EPHA10: variants seen among roughly 807,000 people sequenced by gnomAD.
EPHA10 encodes the protein ephrin type-A receptor 10.
EPHA10 carries 120 observed loss-of-function variants against 109.7 expected under a neutral mutation model. The ratio of observed to expected loss-of-function variants is 1.09; its 90% CI spans 0.94 to 1.27. The LOEUF is 1.27. Ranked by LOEUF, EPHA10 falls within the 50% of genes most tolerant of loss-of-function variation. The pLI, the probability that EPHA10 is intolerant of heterozygous loss-of-function variation, is 0.00. For synonymous variants in EPHA10, 640 were observed against 618.9 expected (o/e 1.03, Z -0.51); for missense variants, 1,396 against 1,411.1 (o/e 0.99, Z 0.17).
Position 37,752,958 on chromosome 1 carries a change from C to G in EPHA10, c.1275G>C (p.Val425=). 3 of 1,293,042 alleles carry G rather than the reference C, an allele frequency of 2.3e-6. No homozygotes were observed. The highest frequency in any genetic ancestry group is 2.9e-6 in the Non-Finnish European group (3 of 1,023,678). The allele number at this position is 1,293,042 out of a possible 1,614,324, so 80.1% of individuals were successfully genotyped here. A position where few individuals can be genotyped will look rare whatever the true frequency, so the allele number is the denominator to read the frequency against. Residue 425 remains valine, a synonymous_variant, in exon 5 of 17, where the codon GTG becomes GTC. Coordinates refer to ENST00000373048, the MANE Select transcript of EPHA10 (RefSeq NM_001099439.2). ...GGCCCGAGACGCCGTTGAGCGCGGCCACGCGCACGGTGTAGCGCGCGCCGG... is the reference window on the plus strand; with the variant it reads ...GGCCCGAGACGCCGTTGAGCGCGGCGACGCGCACGGTGTAGCGCGCGCCGG... ...LRPGARYTVR[V]AALNGVSGPA... is the part of the protein sequence containing the mutation.
chr1:37,748,514 T>A (rs2148356434), intron 5 of EPHA10, among the ~76,000 whole-genome samples: 1 of 152,310 alleles, frequency 6.6e-6, no homozygotes, highest in East Asian at 1.9e-4. Context: ...CAGATACCTT[T>A]ACCAAAGCCA....
Position 37,720,347 on chromosome 1 carries a change from T to C in EPHA10, c.2412+4A>G. 6.3e-7 allele frequency: 1 copy of C among 1,595,538 alleles called. No homozygotes were observed. Among genetic ancestry groups the C allele is most frequent in the Non-Finnish European group, 8.5e-7 (1 of 1,170,982 alleles). ...CAGGCAGGCTTGGCTGGGGGCGCCC[T>C]CACCATAGTGGTGTAGACAGCCTCT... On this transcript the variant is annotated splice_donor_region_variant and intron_variant, in intron 13 of 16. Transcript: ENST00000373048.
intron 5 of EPHA10, among the ~76,000 whole-genome samples, chr1:37,739,220 C>T (rs1285571820): frequency 2.0e-5 from 3 of 151,862 alleles, no homozygotes; most frequent in African/African-American, 7.3e-5. Flanking sequence ...GGATATTAGT[C>T]CTTAAAAAGA....
intron 3 of EPHA10, among the ~76,000 whole-genome samples, chr1:37,759,549 T>G (rs1447718071): frequency 6.6e-6 from 1 of 152,180 alleles, no homozygotes; most frequent in African/African-American, 2.4e-5. Context: ...CCAATGCATT[T>G]TCACTGAACA....
intron 6 of EPHA10, among the ~76,000 whole-genome samples, chr1:37,732,532 G>T (rs1646001894): frequency 6.6e-6 from 1 of 152,178 alleles, no homozygotes; most frequent in Non-Finnish European, 1.5e-5. Context: ...CCCAAGCTGG[G>T]CCAATCAGAA....
rs1406392227 is a variant in EPHA10, at chr1:37,752,922, G to C, written c.1311C>G (p.Ala437=). Residue 437 remains alanine, a synonymous_variant, in exon 5 of 17, where the codon GCC becomes GCG. Transcript: ENST00000373048. ...ALNGVSGPAA[A]AGTTYAQVTV... ...TGACCTGCGCGTAGGTGGTTCCCGCGGCGGCCGCCGGGCCCGAGACGCCGT... is the reference window on the plus strand; with the variant it reads ...TGACCTGCGCGTAGGTGGTTCCCGCCGCGGCCGCCGGGCCCGAGACGCCGT... 2 of 1,310,182 alleles carry C rather than the reference G, an allele frequency of 1.5e-6. No homozygotes were observed. Among genetic ancestry groups the C allele is most frequent in the Non-Finnish European group, 1.9e-6 (2 of 1,032,682 alleles). 81.2% of individuals were successfully genotyped at this position (1,310,182 alleles called of 1,614,324 possible).
intron 5 of EPHA10, among the ~76,000 whole-genome samples, chr1:37,746,732 G>A (rs959203874): frequency 2.6e-5 from 4 of 152,164 alleles, no homozygotes; most frequent in Admixed American, 2.6e-4. Flanking sequence ...ATCAACTGAT[G>A]AATGGATAAG....
rs1646376893 is a variant in EPHA10 at position 37,754,495 on chromosome 1, A to ACTC, written c.851-128_851-126dup. The ACTC allele has an allele frequency of 1.1e-6, 1 of 915,876 alleles. No individual in the cohort carries two copies. The highest frequency in any genetic ancestry group is 1.4e-6 in the Non-Finnish European group (1 of 695,008). The allele number at this position is 915,876 out of a possible 1,614,324, so 56.7% of individuals were successfully genotyped here. A position where few individuals can be genotyped will look rare whatever the true frequency, so the allele number is the denominator to read the frequency against. On this transcript the variant is annotated intron_variant, in intron 3 of 16. Transcript: ENST00000373048. This position sits in a 1 kb window ranked among gnomAD's most constrained non-coding sequence, Gnocchi z 4.5. ...AGAAAAACAGTCAGGGGACTCAGCC[A>ACTC]CTCCAGTCAGCACTGCCCCGTGGAG...
chr1:37,738,151 G>C (rs903955607), intron 5 of EPHA10: 1 of 151,930 alleles, frequency 6.6e-6, no homozygotes, highest in Admixed American at 6.6e-5. Flanking sequence ...CAGATCACCT[G>C]AAGTCAAGAG....
At chr1:37,734,556 AAAT>A (rs924671605) in intron 6 of EPHA10, 2 of 426,458 alleles carry the variant, frequency 4.7e-6, no homozygotes, top group Admixed American at 5.5e-5. Flanking sequence ...ATAAATAAAT[AAAT>A]AATAAAGGTA....
At chr1:37,715,446 C>T (rs982017150), downstream of EPHA10, among the ~76,000 whole-genome samples, 2 of 152,190 alleles carry the variant, frequency 1.3e-5, no homozygotes, top group Non-Finnish European at 1.5e-5. Context: ...CGTCTCCCCT[C>T]TCCTGAACAT....
rs764030792 is a variant in EPHA10 at position 37,721,663 on chromosome 1, G to A, written c.2143C>T (p.Arg715Ter). 39 of 1,602,460 alleles carry A rather than the reference G, an allele frequency of 2.4e-5. No individual in the cohort carries two copies. Among genetic ancestry groups the A allele is most frequent in the Middle Eastern group, 2.0e-4 (1 of 4,916 alleles). ...HIVRLEGVVT[R>*]GSTLMIVTEY... ...GGAAGGGAGCACCGGGCCCTACCTC[G>A]GGTAACAACGCCCTCCAGCCGCACG... The change falls in exon 11 of 17, where the codon CGA becomes TGA. Residue 715 changes from arginine to a stop codon, truncating the protein, a stop_gained. Transcript: ENST00000373048. LOFTEE classifies it high-confidence loss of function.
At chr1:37,734,634 C>T (rs1169993473) in intron 6 of EPHA10, 1 of 455,968 alleles carries the variant, frequency 2.2e-6, no homozygotes, top group Non-Finnish European at 4.4e-6. Context: ...AGCTAAGCTG[C>T]AACCACAGAT....
Position 37,754,435 on chromosome 1 carries a change from TG to T in EPHA10, c.851-66del. 8.0e-7 allele frequency: 1 copy of T among 1,253,824 alleles called. No individual in the cohort carries two copies. Among genetic ancestry groups the T allele is most frequent in the Non-Finnish European group, 1.0e-6 (1 of 994,466 alleles). 77.7% of individuals were successfully genotyped at this position (1,253,824 alleles called of 1,614,324 possible). On this transcript the variant is annotated intron_variant, in intron 3 of 16. Transcript: ENST00000373048. This position sits in a 1 kb window ranked among gnomAD's most constrained non-coding sequence, Gnocchi z 4.5. ...TTTCTCCCCGCTTTCCTGACTGGCCTGGTTAGGGCAGCGTTTATCTCCTCCA... is the reference window on the plus strand; with the variant it reads ...TTTCTCCCCGCTTTCCTGACTGGCCTGTTAGGGCAGCGTTTATCTCCTCCA...
At chr1:37,718,887 G>C in intron 15 of EPHA10, 71 bp from the exon 16 acceptor site, 5 of 1,508,046 alleles carry the variant, frequency 3.3e-6, no homozygotes. Flanking sequence ...CTCCCGGGGA[G>C]AGGCCAGCTG....
At chr1:37,760,502 C>T (rs1454242698) in intron 3 of EPHA10, 7 of 1,007,544 alleles carry the variant, frequency 6.9e-6, no homozygotes, top group Non-Finnish European at 8.4e-6. Context: ...TCTAGTGCAA[C>T]TTCCCAATCC....
At chr1:37,721,537 G>A (rs1645796591) in intron 11 of EPHA10, 123 bp downstream of exon 11, 1 of 1,051,130 alleles carries the variant, frequency 9.5e-7, no homozygotes, top group East Asian at 3.1e-5. Context: ...GTCCCTGGCT[G>A]AAGCTCCCTC....
chr1:37,761,279 CCA>C, intron 3 of EPHA10, 124 bp downstream of exon 3: 4 of 1,520,670 alleles, frequency 2.6e-6, no homozygotes, highest in Non-Finnish European at 3.5e-6. Context: ...TCCTTGGGCT[CCA>C]GAGTCCAAGG....
chr1:37,727,274 A>AGGAGTCTGCCCTGGG, intron 7 of EPHA10, 64 bp from the exon 8 acceptor site: 1 of 1,355,290 alleles, frequency 7.4e-7, no homozygotes. Flanking sequence ...GCCCCAGGGC[A>AGGAGTCTGCCCTGGG]GACTCCTGTC....
Sources: gnomAD v4.1 joint callset for allele counts (sites outside exome capture counted in the v4.1 genomes callset) on GRCh38, gnomAD v4.1.1 for gene constraint, Gnocchi (gnomAD v3.1) non-coding constraint, MANE v1.5 for transcripts, NCBI Gene and HGNC (gene_info 2026-07-23, HGNC 2026-07-21) for gene names.